Variants in TSHR observed in about 807,000 individuals in gnomAD.
TSHR encodes thyrotropin receptor.
TSHR carries 51 observed loss-of-function variants against 64.1 expected under a neutral mutation model. The observed-to-expected ratio is 0.80, with a 90% CI of 0.64 to 1.01. The LOEUF is 1.01. Ranked by LOEUF, TSHR falls within the 50% of genes least tolerant of loss-of-function variation. The probability of loss-of-function intolerance (pLI) is 0.00; values close to 1 mark genes in which losing one functional copy is unlikely to be tolerated. For missense variants in TSHR, 877 were observed against 942.8 expected, an observed-to-expected ratio of 0.93 and a Z score of 0.91; for synonymous variants, 361 against 361.9, an observed-to-expected ratio of 1.00 and a Z score of 0.03.
At chr14:81,057,923 T>A (rs1445914639) in intron 1 of TSHR, among the ~76,000 whole-genome samples, 1 of 152,226 alleles carries the variant, frequency 6.6e-6, no homozygotes, top group Non-Finnish European at 1.5e-5. Flanking sequence ...TATGCACATA[T>A]GCAACACAAG....
At chr14:81,088,835 G>A (rs1284610640) in intron 4 of TSHR, among the ~76,000 whole-genome samples, 3 of 152,098 alleles carry the variant, frequency 2.0e-5, no homozygotes, top group Non-Finnish European at 4.4e-5. Context: ...TGTTATCATA[G>A]ATATTTTATG....
chr14:81,123,062 G>A (rs1890871792), intron 8 of TSHR, among the ~76,000 whole-genome samples: 1 of 152,112 alleles, frequency 6.6e-6, no homozygotes, highest in African/African-American at 2.4e-5. Context: ...GGGAAGCAGA[G>A]GTTGCAGTGA....
At chr14:81,037,329 G>GA (rs143326671) in intron 1 of TSHR, among the ~76,000 whole-genome samples, 38 of 135,574 alleles carry the variant, frequency 2.8e-4, no homozygotes, top group East Asian at 2.6e-3. Flanking sequence ...CAATGAAAAA[G>GA]AAAAAAAAAA....
At chr14:81,057,025 C>T (rs531640668) in intron 1 of TSHR, among the ~76,000 whole-genome samples, 1 of 152,294 alleles carries the variant, frequency 6.6e-6, no homozygotes, top group East Asian at 1.9e-4. Flanking sequence ...GGTCTACACC[C>T]CTGATTTTAA....
intron 7 of TSHR, chr14:81,105,152 C>T (rs907553370): frequency 3.0e-6 from 3 of 985,226 alleles, no homozygotes; most frequent in African/African-American, 3.5e-5. Context: ...AGATTTGTGA[C>T]TGATTTATCC....
At chr14:80,988,520 T>C (rs937028312) in intron 1 of TSHR, among the ~76,000 whole-genome samples, 3 of 152,164 alleles carry the variant, frequency 2.0e-5, no homozygotes, top group Admixed American at 2.0e-4. Context: ...CATTGAGGAT[T>C]ACAATTTGAC....
intron 1 of TSHR, among the ~76,000 whole-genome samples, chr14:81,045,282 A>G (rs965053719): frequency 6.6e-6 from 1 of 152,160 alleles, no homozygotes; most frequent in African/African-American, 2.4e-5. Context: ...GAGAATTGCC[A>G]CCTCTTCAAT....
chr14:81,023,429 T>C lies in TSHR; in HGVS notation c.171-38719T>C, dbSNP rs1219393769. On this transcript the variant is annotated intron_variant, in intron 1 of 9. Transcript: ENST00000298171. The stretch of plus-strand genomic sequence containing the variant: ...ATCATCAGGGTTTTCTTACATAGTG[T>C]TGATAATCCTTTCCAGGGTACTGGG... Among the ~76,000 whole-genome samples the C allele has an allele frequency of 2.0e-5, 3 of 152,238 alleles. No homozygotes were observed. In the East Asian group the frequency reaches 5.8e-4, roughly 30 times the overall value.
chr14:81,037,623 G>A (rs541301650), intron 1 of TSHR, among the ~76,000 whole-genome samples: 3 of 151,964 alleles, frequency 2.0e-5, no homozygotes, highest in Non-Finnish European at 4.4e-5. Flanking sequence ...AAGGACACAC[G>A]TAGACTGAAA....
At chr14:81,048,354 T>G (rs78238394) in intron 1 of TSHR, among the ~76,000 whole-genome samples, 1,815 of 152,298 alleles carry the variant, frequency 0.012, 14 homozygotes, top group Non-Finnish European at 0.019. Flanking sequence ...CCGGGATCAC[T>G]GTCCATGGGA....
rs10528934 is a variant in TSHR at position 81,067,927 on chromosome 14, CTATATATA to C, written c.243-307_243-300del. ...TAGTGGAACATTCCACAGGGTGACA[CTATATATA>C]TATATATATATATATATATCGCTAA... is the stretch of plus-strand genomic sequence containing the variant. On this transcript the variant is annotated intron_variant, in intron 2 of 9. Coordinates refer to ENST00000298171, the MANE Select transcript of TSHR (RefSeq NM_000369.5). Among the ~76,000 whole-genome samples the C allele has an allele frequency of 5.3e-4, 51 of 95,788 alleles. 3 individuals carry two copies. Among genetic ancestry groups the C allele is most frequent in the Admixed American group, 1.4e-3 (14 of 9,928 alleles). 62.8% of individuals were successfully genotyped at this position (95,788 alleles called of 152,430 possible).
intron 1 of TSHR, among the ~76,000 whole-genome samples, chr14:80,978,121 A>G (rs1485889838): frequency 6.6e-6 from 1 of 151,600 alleles, no homozygotes; most frequent in Admixed American, 6.6e-5. Flanking sequence ...ACACACACAC[A>G]CACACACACA....
intron 3 of TSHR, among the ~76,000 whole-genome samples, chr14:81,077,466 G>C (rs938700286): frequency 1.3e-5 from 2 of 152,100 alleles, no homozygotes; most frequent in Non-Finnish European, 2.9e-5. Flanking sequence ...CATATCCCAA[G>C]CACTACACTA....
chr14:81,093,258 G>A (rs1470996003), intron 6 of TSHR, among the ~76,000 whole-genome samples: 4 of 152,248 alleles, frequency 2.6e-5, no homozygotes, highest in African/African-American at 9.6e-5. Flanking sequence ...TCCAGAGCCT[G>A]AATGGGGGCA....
intron 8 of TSHR, among the ~76,000 whole-genome samples, chr14:81,137,204 T>G (rs1335913028): frequency 1.3e-5 from 2 of 152,202 alleles, no homozygotes; most frequent in African/African-American, 4.8e-5. Flanking sequence ...CAATCTGTAT[T>G]ACAGGTGATT....
At chr14:81,132,861 A>G (rs1294369875) in intron 8 of TSHR, among the ~76,000 whole-genome samples, 2 of 152,218 alleles carry the variant, frequency 1.3e-5, no homozygotes, top group Non-Finnish European at 2.9e-5. Context: ...TCAGAAAAAA[A>G]AAAAAATACT....
chr14:80,984,023 T>TAC (rs1888309446), intron 1 of TSHR, among the ~76,000 whole-genome samples: 1 of 152,160 alleles, frequency 6.6e-6, no homozygotes, highest in South Asian at 2.1e-4. Flanking sequence ...AAGTAAGGCA[T>TAC]ACACACACAC....
chr14:81,004,035 C>T (rs1889473491), intron 1 of TSHR, among the ~76,000 whole-genome samples: 2 of 152,032 alleles, frequency 1.3e-5, no homozygotes, highest in Non-Finnish European at 1.5e-5. Context: ...TACATTGTGC[C>T]CTGGGATATA....
chr14:81,037,989 T>C (rs1432867462), intron 1 of TSHR, among the ~76,000 whole-genome samples: 1 of 150,768 alleles, frequency 6.6e-6, no homozygotes, highest in Admixed American at 6.6e-5. Flanking sequence ...ACCTAACAGA[T>C]ATTTGCAGAA....
Sources: gnomAD v4.1 joint callset for allele counts (sites outside exome capture counted in the v4.1 genomes callset) on GRCh38, gnomAD v4.1.1 for gene constraint, MANE v1.5 for transcripts, NCBI Gene and HGNC (gene_info 2026-07-23, HGNC 2026-07-21) for gene names.